The following GRIN2A variants were observed in gnomAD, a reference collection of about 807,000 sequenced individuals.
The protein encoded by GRIN2A is glutamate ionotropic receptor NMDA type subunit 2A.
Under a neutral mutation model 113.4 loss-of-function variants are expected in GRIN2A, and 22 were observed. The ratio of observed to expected loss-of-function variants is 0.19; its 90% CI spans 0.14 to 0.28. GRIN2A has a LOEUF of 0.28. GRIN2A is among the 10% of genes least tolerant of loss of function. The pLI is 1.00. For missense variants in GRIN2A, 1,502 were observed against 1,887.0 expected (o/e 0.80, Z 3.78); for synonymous variants, 827 against 738.4 (o/e 1.12, Z -1.94).
In GRIN2A at chr16:9,758,164, C is replaced by A. The variant is rs527727461; in HGVS notation, c.*4985G>T. ...TCTACGAACTCTATTTTTCTAAGAC[C>A]CTTCTGGGCAGGCACTTCTAGCTAA... On this transcript the variant is annotated 3_prime_UTR_variant, in exon 13 of 13. Coordinates refer to ENST00000330684, the MANE Select transcript of GRIN2A (RefSeq NM_001134407.3). 3.2e-5 allele frequency: 7 copies of A among 216,972 alleles called. No homozygotes were observed. In the South Asian group the frequency reaches 1.1e-3, roughly 35 times the overall value. 13.4% of individuals were successfully genotyped at this position (216,972 alleles called of 1,614,324 possible).
In GRIN2A at chr16:9,763,145, A is replaced by G. The variant is rs1900661332; in HGVS notation, c.*4T>C. On this transcript the variant is annotated 3_prime_UTR_variant, in exon 13 of 13. Coordinates refer to ENST00000330684, the MANE Select transcript of GRIN2A (RefSeq NM_001134407.3). Reference sequence around the variant, plus strand: ...CCTATAGATAAAACATTAATGGAAGATTTTTAAACATCAGATTCGATACTA... The same window carrying G: ...CCTATAGATAAAACATTAATGGAAGGTTTTTAAACATCAGATTCGATACTA... 6.2e-7 allele frequency: 1 copy of G among 1,613,518 alleles called. No individual in the cohort carries two copies. The highest frequency in any genetic ancestry group is 8.5e-7 in the Non-Finnish European group (1 of 1,179,606).
intron 4 of GRIN2A, among the ~76,000 whole-genome samples, chr16:9,864,767 T>C (rs573197472): frequency 1.8e-4 from 28 of 152,280 alleles, no homozygotes; most frequent in Admixed American, 4.6e-4. Context: ...TGAAAAGTTA[T>C]TGCGTTGTGA....
At chr16:9,821,979 A>G (rs1394243397) in intron 10 of GRIN2A, among the ~76,000 whole-genome samples, 1 of 152,192 alleles carries the variant, frequency 6.6e-6, no homozygotes, top group Non-Finnish European at 1.5e-5. Context: ...CTATTTGTTA[A>G]AATATCCTAT....
chr16:9,923,334 T>A (rs185881529), intron 3 of GRIN2A, among the ~76,000 whole-genome samples: 4 of 152,324 alleles, frequency 2.6e-5, no homozygotes, highest in African/African-American at 9.6e-5. Flanking sequence ...AACCTATTTA[T>A]GCTTTTATAT....
chr16:10,171,701 T>C (rs2050046558), intron 2 of GRIN2A, among the ~76,000 whole-genome samples: 1 of 152,310 alleles, frequency 6.6e-6, no homozygotes, highest in Non-Finnish European at 1.5e-5. Context: ...AAAAAGTACA[T>C]GTACACTGGA....
At chr16:9,871,608 C>A (rs1252593245) in intron 4 of GRIN2A, among the ~76,000 whole-genome samples, 7 of 152,164 alleles carry the variant, frequency 4.6e-5, no homozygotes, top group Non-Finnish European at 1.0e-4. Flanking sequence ...TGCCTCTGAG[C>A]TATGAAGTGG....
At chr16:10,128,456 A>T (rs1446444385) in intron 2 of GRIN2A, among the ~76,000 whole-genome samples, 1 of 152,196 alleles carries the variant, frequency 6.6e-6, no homozygotes, top group Non-Finnish European at 1.5e-5. Flanking sequence ...GGGAAGTGTG[A>T]ACTGTAAAGA....
At chr16:9,901,248 T>A (rs2043916458) in intron 3 of GRIN2A, among the ~76,000 whole-genome samples, 1 of 152,106 alleles carries the variant, frequency 6.6e-6, no homozygotes, top group African/African-American at 2.4e-5. Context: ...TTTTCTTTCG[T>A]TTTTCCTTTT....
At chr16:10,124,826 A>G (rs2048901034) in intron 2 of GRIN2A, among the ~76,000 whole-genome samples, 1 of 152,204 alleles carries the variant, frequency 6.6e-6, no homozygotes, top group Non-Finnish European at 1.5e-5. Context: ...GGTACAGCTA[A>G]TGACATGAGG....
chr16:9,959,744 TG>T (rs1206305901), intron 2 of GRIN2A, among the ~76,000 whole-genome samples: 1 of 152,156 alleles, frequency 6.6e-6, no homozygotes, highest in Non-Finnish European at 1.5e-5. Context: ...GAGGCTGAGG[TG>T]GGTATATCAC....
intron 4 of GRIN2A, among the ~76,000 whole-genome samples, chr16:9,868,368 G>C (rs2043198306): frequency 6.6e-6 from 1 of 152,140 alleles, no homozygotes; most frequent in African/African-American, 2.4e-5. Flanking sequence ...CCGGGTTCGA[G>C]CGATTCTTAT....
At chr16:9,884,246 T>C (rs1222013427) in intron 4 of GRIN2A, among the ~76,000 whole-genome samples, 1 of 152,160 alleles carries the variant, frequency 6.6e-6, no homozygotes. Context: ...CACATATATT[T>C]TCATTTTAAA....
intron 2 of GRIN2A, among the ~76,000 whole-genome samples, chr16:9,951,776 A>G (rs1360209795): frequency 3.9e-5 from 6 of 152,234 alleles, no homozygotes; most frequent in African/African-American, 1.4e-4. Flanking sequence ...AAACACAATC[A>G]AATAAGGTCC....
At chr16:9,798,247 C>T (rs753384624) in intron 11 of GRIN2A, 30 bp downstream of exon 11, 2 of 1,596,140 alleles carry the variant, frequency 1.3e-6, no homozygotes, top group Non-Finnish European at 1.7e-6. Flanking sequence ...CTCAAGTCCC[C>T]CTAAAGAAAG....
At chr16:10,029,668 G>C (rs2046892280) in intron 2 of GRIN2A, among the ~76,000 whole-genome samples, 1 of 152,122 alleles carries the variant, frequency 6.6e-6, no homozygotes, top group African/African-American at 2.4e-5. Context: ...TCATGCAGGG[G>C]CTTCTTCATG....
At chr16:9,998,901 T>A (rs1233654792) in intron 2 of GRIN2A, among the ~76,000 whole-genome samples, 1 of 152,162 alleles carries the variant, frequency 6.6e-6, no homozygotes, top group African/African-American at 2.4e-5. Context: ...CAGGACTTCC[T>A]GGATGGCTTG....
Position 9,952,857 on chromosome 16 carries a change from G to C in GRIN2A, c.415-14306C>G, listed in dbSNP as rs2045215754. On this transcript the variant is annotated intron_variant, in intron 2 of 12. Coordinates refer to ENST00000330684, the MANE Select transcript of GRIN2A (RefSeq NM_001134407.3). Reference sequence around the variant, plus strand: ...GAAAGTGAGAGAAAAAGGGAAAAAGGAAGAAAAAGAGGGAGGAAGAAAGAG... The same window carrying C: ...GAAAGTGAGAGAAAAAGGGAAAAAGCAAGAAAAAGAGGGAGGAAGAAAGAG... Among the ~76,000 whole-genome samples, 3 of 152,240 alleles carry C rather than the reference G, an allele frequency of 2.0e-5. No homozygotes were observed. In the South Asian group the frequency reaches 6.2e-4, roughly 32 times the overall value.
intron 2 of GRIN2A, among the ~76,000 whole-genome samples, chr16:10,085,415 A>T (rs532882055): frequency 2.0e-5 from 3 of 152,234 alleles, no homozygotes; most frequent in African/African-American, 7.2e-5. Flanking sequence ...TATACATGCC[A>T]TGTTCATTTT....
intron 4 of GRIN2A, among the ~76,000 whole-genome samples, chr16:9,856,624 CAAAA>C (rs1178111932): frequency 1.8e-5 from 1 of 54,836 alleles, no homozygotes. Context: ...GACTCCATCT[CAAAA>C]AAAAAAAAAA....
Sources: allele counts gnomAD v4.1 joint callset (sites outside exome capture counted in the v4.1 genomes callset), GRCh38; gene constraint gnomAD v4.1.1; transcripts MANE v1.5; gene names NCBI Gene and HGNC (gene_info 2026-07-23, HGNC 2026-07-21).